Variants in SLC35G2 observed in about 807,000 individuals in gnomAD.
The protein encoded by SLC35G2 is solute carrier family 35 member G2, also known as transmembrane protein 22.
SLC35G2 carries 20 observed loss-of-function variants against 27.2 expected under a neutral mutation model. The ratio of observed to expected loss-of-function variants is 0.74; its 90% CI spans 0.52 to 1.07. The LOEUF (loss-of-function observed/expected upper bound fraction) is 1.07. SLC35G2 is among the 50% of genes least tolerant of loss of function. The probability of loss-of-function intolerance (pLI) is 0.00; values close to 1 mark genes in which losing one functional copy is unlikely to be tolerated. For missense variants in SLC35G2, 416 were observed against 493.3 expected (o/e 0.84, Z 1.48); for synonymous variants, 148 against 165.3 (o/e 0.90, Z 0.80).
intron 1 of SLC35G2, among the ~76,000 whole-genome samples, chr3:136,830,329 C>T (rs1576889763): frequency 6.6e-6 from 1 of 151,880 alleles, no homozygotes; most frequent in Admixed American, 6.6e-5. Context: ...ATCGCCCGAG[C>T]TGGAGTGCAG....
rs367918668 is a variant in SLC35G2, at chr3:136,855,185, T to A, written c.725T>A (p.Val242Asp). 1.9e-6 allele frequency: 3 copies of A among 1,614,060 alleles called. No individual in the cohort carries two copies. Among genetic ancestry groups the A allele is most frequent in the Non-Finnish European group, 2.5e-6 (3 of 1,180,036 alleles). Residue 242 changes from valine (V) to aspartate (D), a missense_variant, in exon 2 of 2, where the codon GTT (valine) becomes GAT (aspartate). Transcript: ENST00000446465. ...TGTCTTGTCATGATCCCAAACATTG[T>A]TGATGAAGACAATTCTTTGTTAAAT... ...GVCLVMIPNIVDEDNSLLNAW... is the reference protein window; with the variant it reads ...GVCLVMIPNIDDEDNSLLNAW...
chr3:136,820,346 C>G (rs1406412234), intron 1 of SLC35G2: 1 of 152,244 alleles, frequency 6.6e-6, no homozygotes, highest in Non-Finnish European at 1.5e-5. Context: ...GACTGACTTC[C>G]TGGGCCGCGG....
chr3:136,820,959 GAAC>G (rs1463486756), intron 1 of SLC35G2, among the ~76,000 whole-genome samples: 1 of 143,996 alleles, frequency 6.9e-6, no homozygotes. Flanking sequence ...ATTTTAATAA[GAAC>G]AACATATAAA....
In SLC35G2 at chr3:136,853,476, T is replaced by C. The variant is rs545414815; in HGVS notation, c.-18-967T>C. 2.6e-5 allele frequency among the ~76,000 whole-genome samples: 4 copies of C among 152,328 alleles called. No individual in the cohort carries two copies. In the South Asian group the frequency reaches 8.3e-4, roughly 32 times the overall value. ...TGTAGTAAGCTACAATGAACTCTCCTGTATGTACATTTTCCCCACATTTTT... is the reference window on the plus strand; with the variant it reads ...TGTAGTAAGCTACAATGAACTCTCCCGTATGTACATTTTCCCCACATTTTT... On this transcript the variant is annotated intron_variant, in intron 1 of 1. Transcript: ENST00000446465.
At chr3:136,852,252 G>T (rs1937682432) in intron 1 of SLC35G2, among the ~76,000 whole-genome samples, 1 of 152,126 alleles carries the variant, frequency 6.6e-6, no homozygotes, top group African/African-American at 2.4e-5. Flanking sequence ...GGGACATCCA[G>T]GCTAGGAAAT....
intron 1 of SLC35G2, among the ~76,000 whole-genome samples, chr3:136,844,309 G>A (rs923490109): frequency 1.3e-5 from 2 of 151,806 alleles, no homozygotes; most frequent in African/African-American, 4.8e-5. Flanking sequence ...CTAACACAGT[G>A]AAACCCTGTC....
At chr3:136,854,313 TA>T in intron 1 of SLC35G2, 129 bp from the exon 2 acceptor site, 1 of 628,806 alleles carries the variant, frequency 1.6e-6, no homozygotes, top group Non-Finnish European at 2.7e-6. Context: ...AGATCATCTC[TA>T]ATTTCTTTTT....
At position 136,855,578 on chromosome 3, in the gene SLC35G2, A is replaced by C; in HGVS notation, c.1118A>C (p.Tyr373Ser). The C allele has an allele frequency of 6.2e-7, 1 of 1,614,018 alleles. No homozygotes were observed. Among genetic ancestry groups the C allele is most frequent in the Non-Finnish European group, 8.5e-7 (1 of 1,179,966 alleles). The change falls in exon 2 of 2, where the codon TAT becomes TCT. Residue 373 changes from tyrosine to serine, a missense_variant. Coordinates refer to ENST00000446465, the MANE Select transcript of SLC35G2 (RefSeq NM_025246.3). ...GTGCTGCACATATTTCCTAGCATCT[A>C]TGATGTTTTTGGAGGGGTAATCATT... ...LLVLHIFPSI[Y>S]DVFGGVIIMI... is the part of the protein sequence containing the mutation.
rs948499480 is a variant in SLC35G2, at chr3:136,844,692, C to T, written c.-18-9751C>T. On this transcript the variant is annotated intron_variant, in intron 1 of 1. Coordinates refer to ENST00000446465, the MANE Select transcript of SLC35G2 (RefSeq NM_025246.3). ...GCTAACACCTGTAGTCCCAGCTACT[C>T]GTGAGGCTGAGGCACGAATTGCTTG... Among the ~76,000 whole-genome samples, 7 of 146,944 alleles carry T rather than the reference C, an allele frequency of 4.8e-5. 1 individual carries two copies. The highest frequency in any genetic ancestry group is 4.1e-4 in the Admixed American group (6 of 14,576).
chr3:136,853,683 G>A (rs1171763790), intron 1 of SLC35G2, among the ~76,000 whole-genome samples: 1 of 152,050 alleles, frequency 6.6e-6, no homozygotes, highest in Non-Finnish European at 1.5e-5. Flanking sequence ...TCTTTGTTAT[G>A]TAAACAAATA....
At chr3:136,823,539 C>G (rs564371299) in intron 1 of SLC35G2, among the ~76,000 whole-genome samples, 2 of 152,046 alleles carry the variant, frequency 1.3e-5, no homozygotes, top group African/African-American at 4.8e-5. Flanking sequence ...TTTTATAGTT[C>G]GAAGACTTAT....
rs1463395660 is a variant in SLC35G2, at chr3:136,855,688, C to T, written c.1228C>T (p.Pro410Ser). 1.3e-6 allele frequency: 2 copies of T among 1,594,742 alleles called. No individual in the cohort carries two copies. The highest frequency in any genetic ancestry group is 2.2e-5 in the South Asian group (2 of 90,540). The change falls in exon 2 of 2, where the codon CCC (proline) becomes TCC (serine). Residue 410 changes from proline (P) to serine (S), a missense_variant. Physicochemically the swap from Pro to Ser is moderately conservative, Grantham distance 74. Coordinates refer to ENST00000446465, the MANE Select transcript of SLC35G2 (RefSeq NM_025246.3). The stretch of plus-strand genomic sequence containing the variant: ...GGACTACCAGGAAATACTAGACTCT[C>T]CCATTAAATGAATACCTGATTATTA... Reference protein sequence around the residue: ...KQDYQEILDSPIK With the variant: ...KQDYQEILDSSIK
chr3:136,829,233 T>C (rs1021048926), intron 1 of SLC35G2, among the ~76,000 whole-genome samples: 1 of 152,128 alleles, frequency 6.6e-6, no homozygotes, highest in Non-Finnish European at 1.5e-5. Context: ...GATGACTTTT[T>C]TTTTTTTTAG....
At chr3:136,843,192 GGC>G (rs1937176050) in intron 1 of SLC35G2, 2 of 151,656 alleles carry the variant, frequency 1.3e-5, no homozygotes, top group Admixed American at 6.6e-5. Flanking sequence ...GTGTGGTGGT[GGC>G]CGCCTGTAGT....
In SLC35G2 at chr3:136,855,351, T is replaced by A. The variant is rs751769956; in HGVS notation, c.891T>A (p.Ile297=). ...ALFTFGWTGT[I]WGISTMFILQ... Reference sequence around the variant, plus strand: ...TTACTTTTGGTTGGACTGGGACAATTTGGGGAATATCTACTATGTTTATTC... The same window carrying A: ...TTACTTTTGGTTGGACTGGGACAATATGGGGAATATCTACTATGTTTATTC... Residue 297 remains isoleucine, a synonymous_variant, in exon 2 of 2, where the codon ATT becomes ATA. Transcript: ENST00000446465. The A allele has an allele frequency of 6.2e-6, 10 of 1,614,164 alleles. No individual in the cohort carries two copies. The highest frequency in any genetic ancestry group is 1.7e-5 in the Admixed American group (1 of 60,026).
intron 1 of SLC35G2, among the ~76,000 whole-genome samples, chr3:136,824,234 AT>A (rs955518638): frequency 2.0e-5 from 3 of 151,196 alleles, no homozygotes; most frequent in South Asian, 2.1e-4. Flanking sequence ...AAATTTTAGG[AT>A]TTTTTTTTCT....
intron 1 of SLC35G2, among the ~76,000 whole-genome samples, chr3:136,825,226 G>A (rs1205145051): frequency 6.7e-6 from 1 of 148,866 alleles, no homozygotes; most frequent in Non-Finnish European, 1.5e-5. Context: ...CTAGCTGTGG[G>A]TCTATCGTAT....
chr3:136,819,986 C>G (rs1316688973), intron 1 of SLC35G2: 2 of 152,194 alleles, frequency 1.3e-5, no homozygotes, highest in Admixed American at 1.3e-4. Context: ...GCCACGTGCA[C>G]CCATTTGGCC....
intron 1 of SLC35G2, among the ~76,000 whole-genome samples, chr3:136,847,723 C>G (rs1401490035): frequency 6.6e-6 from 1 of 152,112 alleles, no homozygotes; most frequent in Non-Finnish European, 1.5e-5. Context: ...AATCCCAGCA[C>G]TTTGGAAGGC....
Sources: allele counts gnomAD v4.1 joint callset (sites outside exome capture counted in the v4.1 genomes callset), GRCh38; gene constraint gnomAD v4.1.1; transcripts MANE v1.5; gene names NCBI Gene and HGNC (gene_info 2026-07-23, HGNC 2026-07-21).